Variants in EPN3 observed in about 807,000 individuals in gnomAD.
EPN3 encodes the protein epsin-3.
EPN3 carries 56 observed loss-of-function variants against 55.5 expected under a neutral mutation model. That is an observed-to-expected ratio of 1.01 (90% CI 0.81 to 1.26). The LOEUF (loss-of-function observed/expected upper bound fraction) is 1.26, where lower values mean the gene tolerates loss of function less well. EPN3 is among the 50% of genes most tolerant of loss of function. The pLI, the probability that EPN3 is intolerant of heterozygous loss-of-function variation, is 0.00. For synonymous variants in EPN3, 449 were observed against 375.2 expected (o/e 1.20, Z -2.27); for missense variants, 927 against 853.4 (o/e 1.09, Z -1.07).
intron 2 of EPN3, 124 bp from the exon 3 acceptor site, chr17:50,537,955 G>A (rs975261130): frequency 2.4e-5 from 19 of 778,272 alleles, no homozygotes; most frequent in African/African-American, 1.7e-4. Context: ...CTTGGCCCAC[G>A]GGGGCCTCAA....
chr17:50,535,367 G>A (rs746263299), intron 1 of EPN3, among the ~76,000 whole-genome samples: 1 of 152,254 alleles, frequency 6.6e-6, no homozygotes, highest in Non-Finnish European at 1.5e-5. Flanking sequence ...CGTGCCATAT[G>A]ATGCAGGCAG....
chr17:50,542,345 T>TA lies in EPN3; in HGVS notation c.*191dup. ...AGCTAGAAACTGAACGCCCGCATAA[T>TA]AAAGACTGGAACCCTCGTTCTCAGC... On this transcript the variant is annotated 3_prime_UTR_variant, in exon 10 of 10. Coordinates refer to ENST00000268933, the MANE Select transcript of EPN3 (RefSeq NM_017957.3). 5.3e-6 allele frequency: 3 copies of TA among 561,518 alleles called. No individual in the cohort carries two copies. The highest frequency in any genetic ancestry group is 2.8e-6 in the Non-Finnish European group (1 of 351,932). The allele number at this position is 561,518 out of a possible 1,614,324, so 34.8% of individuals were successfully genotyped here. A position where few individuals can be genotyped will look rare whatever the true frequency, so the allele number is the denominator to read the frequency against.
rs760338478 is a variant in EPN3, at chr17:50,536,434, C to A, written c.-123C>A. On this transcript the variant is annotated 5_prime_UTR_variant, in exon 2 of 10. Coordinates refer to ENST00000268933, the MANE Select transcript of EPN3 (RefSeq NM_017957.3). ...TCTCTTCCTCAGCCCCATGTGGAACCCAAGGATGCAGCTGCTCTGCTAACA... is the reference window on the plus strand; with the variant it reads ...TCTCTTCCTCAGCCCCATGTGGAACACAAGGATGCAGCTGCTCTGCTAACA... The A allele has an allele frequency of 2.0e-5, 31 of 1,531,346 alleles. No homozygotes were observed. Among genetic ancestry groups the A allele is most frequent in the Non-Finnish European group, 2.6e-5 (30 of 1,149,708 alleles). The allele number at this position is 1,531,346 out of a possible 1,614,324, so 94.9% of individuals were successfully genotyped here.
intron 1 of EPN3, among the ~76,000 whole-genome samples, chr17:50,535,350 C>T (rs1013068866): frequency 1.3e-5 from 2 of 152,224 alleles, no homozygotes; most frequent in African/African-American, 4.8e-5. Flanking sequence ...CCAGGCTCTG[C>T]CACTTACGTG....
chr17:50,542,291 T>G lies in EPN3; in HGVS notation c.*134T>G, dbSNP rs576259289. Reference sequence around the variant, plus strand: ...GGCGGCTGGTATCCCGCGGCGGCTCTGGAAGCTGGACGCGGACCACGGCCC... The same window carrying G: ...GGCGGCTGGTATCCCGCGGCGGCTCGGGAAGCTGGACGCGGACCACGGCCC... On this transcript the variant is annotated 3_prime_UTR_variant, in exon 10 of 10. Coordinates refer to ENST00000268933, the MANE Select transcript of EPN3 (RefSeq NM_017957.3). The G allele has an allele frequency of 1.2e-4, 116 of 976,924 alleles. 1 individual carries two copies. In the South Asian group the frequency reaches 2.2e-3, roughly 18 times the overall value. 60.5% of individuals were successfully genotyped at this position (976,924 alleles called of 1,614,324 possible). A position where few individuals can be genotyped will look rare whatever the true frequency, so the allele number is the denominator to read the frequency against.
At chr17:50,537,954 C>G in intron 2 of EPN3, 125 bp from the exon 3 acceptor site, 1 of 774,852 alleles carries the variant, frequency 1.3e-6, no homozygotes, top group East Asian at 2.6e-5. Context: ...GCTTGGCCCA[C>G]GGGGGCCTCA....
rs571923623 is a variant in EPN3, at chr17:50,538,073, T to A, written c.563-6T>A. 9.9e-6 allele frequency: 16 copies of A among 1,611,260 alleles called. No homozygotes were observed. The South Asian group carries it at 1.8e-4, about 18-fold the overall frequency. On this transcript the variant is annotated splice_region_variant and splice_polypyrimidine_tract_variant and intron_variant, in intron 2 of 9. Transcript: ENST00000268933. ...TGTGGTCACAGAGACATGATGGTCA[T>A]TGCAGCCTCCTCTTCGTCACCCCGC...
At chr17:50,534,454 C>A (rs554531272) in intron 1 of EPN3, 4 of 985,418 alleles carry the variant, frequency 4.1e-6, no homozygotes, top group Non-Finnish European at 4.8e-6. Flanking sequence ...AGCGGCCAGC[C>A]GGTAGGGGCG....
At chr17:50,540,647 G>T in intron 6 of EPN3, 146 bp from the exon 7 acceptor site, 1 of 1,109,858 alleles carries the variant, frequency 9.0e-7, no homozygotes, top group South Asian at 1.6e-5. Context: ...TCAAATAGGG[G>T]CTCCAGCCTG....
At position 50,541,215 on chromosome 17, in the gene EPN3, C is replaced by G. The variant is rs768376663; in HGVS notation, c.1250-14C>G. On this transcript the variant is annotated splice_polypyrimidine_tract_variant and intron_variant, in intron 7 of 9. Transcript: ENST00000268933. ...TTTTGTCAACCCATCTCCTCTTCCT[C>G]TCTCTCTTCCGAGGTGGTGCCTCGA... is the stretch of plus-strand genomic sequence containing the variant. The G allele has an allele frequency of 6.2e-7, 1 of 1,613,574 alleles. No individual in the cohort carries two copies. Among genetic ancestry groups the G allele is most frequent in the Non-Finnish European group, 8.5e-7 (1 of 1,179,960 alleles).
rs2034874821 is a variant in EPN3, at chr17:50,543,483, T to A, written c.*1326T>A. 1 of 152,252 alleles carries A rather than the reference T, an allele frequency of 6.6e-6. No homozygotes were observed. Among genetic ancestry groups the A allele is most frequent in the African/African-American group, 2.4e-5 (1 of 41,462 alleles). The allele number at this position is 152,252 out of a possible 1,614,324, so 9.4% of individuals were successfully genotyped here. ...TTGGGGTCTGGCTCTGCAGGCAGCC[T>A]GCAGCCAGCCTCCATCCCCCTTTCA... On this transcript the variant is annotated 3_prime_UTR_variant, in exon 10 of 10. Coordinates refer to ENST00000268933, the MANE Select transcript of EPN3 (RefSeq NM_017957.3).
At chr17:50,533,996 G>A (rs749578033) in intron 1 of EPN3, among the ~76,000 whole-genome samples, 2 of 152,200 alleles carry the variant, frequency 1.3e-5, no homozygotes, top group Non-Finnish European at 2.9e-5. Context: ...TATCGTGTTC[G>A]ATAAAACCCT....
At chr17:50,534,595 G>GTGGCAT in intron 1 of EPN3, 10 of 985,470 alleles carry the variant, frequency 1.0e-5, no homozygotes, top group Non-Finnish European at 1.2e-5. Flanking sequence ...AGTTGTGGCC[G>GTGGCAT]TGGCATTCCC....
Position 50,542,346 on chromosome 17 carries a change from A to C in EPN3, c.*189A>C, listed in dbSNP as rs1007025687. 3.0e-5 allele frequency: 17 copies of C among 558,208 alleles called. No homozygotes were observed. In the Admixed American group the frequency reaches 5.4e-4, roughly 18 times the overall value. 34.6% of individuals were successfully genotyped at this position (558,208 alleles called of 1,614,324 possible). A position where few individuals can be genotyped will look rare whatever the true frequency, so the allele number is the denominator to read the frequency against. Reference sequence around the variant, plus strand: ...GCTAGAAACTGAACGCCCGCATAATAAAGACTGGAACCCTCGTTCTCAGCT... The same window carrying C: ...GCTAGAAACTGAACGCCCGCATAATCAAGACTGGAACCCTCGTTCTCAGCT... On this transcript the variant is annotated 3_prime_UTR_variant, in exon 10 of 10. Transcript: ENST00000268933.
At chr17:50,538,987 C>T in intron 4 of EPN3, 23 bp downstream of exon 4, 2 of 1,577,924 alleles carry the variant, frequency 1.3e-6, no homozygotes, top group South Asian at 2.3e-5. Context: ...GCCCGCTGGG[C>T]TGCCGGTGCT....
intron 5 of EPN3, among the ~76,000 whole-genome samples, chr17:50,539,719 G>T (rs893469959): frequency 3.9e-5 from 6 of 152,192 alleles, no homozygotes; most frequent in African/African-American, 1.4e-4. Flanking sequence ...AAAACACCTC[G>T]GGCTCATGGA....
chr17:50,538,136 CA>C lies in EPN3; in HGVS notation c.621del (p.Glu209LysfsTer12), dbSNP rs756770467. 2 of 1,613,962 alleles carry C rather than the reference CA, an allele frequency of 1.2e-6. No homozygotes were observed. The highest frequency in any genetic ancestry group is 1.7e-6 in the Non-Finnish European group (2 of 1,180,012). ...SDLEQARPQT[S>X]GEEELQLQLA... ...CTGGAGCAGGCCCGGCCTCAGACGT[CA>C]GGGGAAGAGGAACTGCAGCTGCAGC... On this transcript the variant is annotated frameshift_variant, in exon 3 of 10. Transcript: ENST00000268933. LOFTEE classifies it high-confidence loss of function.
In EPN3 at chr17:50,541,889, C is replaced by G; in HGVS notation, c.1631C>G (p.Pro544Arg). ...ACCAACCCGTTCGGCGCGGGCGAGC[C>G]GGGCAGGCCGACGCTAAACCAGATG... ...SPTNPFGAGE[P>R]GRPTLNQMRT... Residue 544 changes from proline (P) to arginine (R), a missense_variant, in exon 10 of 10, where the codon CCG (proline) becomes CGG (arginine). Pro to Arg is a moderately radical substitution (Grantham distance 103). Transcript: ENST00000268933. 1 of 1,606,158 alleles carries G rather than the reference C, an allele frequency of 6.2e-7. No individual in the cohort carries two copies. The highest frequency in any genetic ancestry group is 8.5e-7 in the Non-Finnish European group (1 of 1,179,738).
intron 1 of EPN3, among the ~76,000 whole-genome samples, chr17:50,533,806 C>T (rs1367651018): frequency 9.8e-6 from 1 of 102,202 alleles, no homozygotes; most frequent in Non-Finnish European, 2.2e-5. Flanking sequence ...CCCTCCTCTG[C>T]CCTCTCGTCA....
Sources: allele counts gnomAD v4.1 joint callset (sites outside exome capture counted in the v4.1 genomes callset), GRCh38; gene constraint gnomAD v4.1.1; transcripts MANE v1.5; gene names NCBI Gene and HGNC (gene_info 2026-07-23, HGNC 2026-07-21).